The following IQGAP2 variants were observed in gnomAD, a reference collection of about 807,000 sequenced individuals.
IQGAP2 encodes the protein ras GTPase-activating-like protein IQGAP2.
A neutral mutation model predicts 201.3 loss-of-function variants in IQGAP2; 173 were observed. The observed-to-expected ratio is 0.86, with a 90% CI of 0.76 to 0.98. IQGAP2 has a LOEUF of 0.98. IQGAP2 is among the 50% of genes least tolerant of loss of function. The pLI, the probability that IQGAP2 is intolerant of heterozygous loss-of-function variation, is 0.00. For missense variants in IQGAP2, 1,687 were observed against 1,864.8 expected (o/e 0.90, Z 1.76); for synonymous variants, 675 against 673.9 (o/e 1.00, Z -0.03).
chr5:76,610,228 A>C (rs1245018848), intron 12 of IQGAP2, among the ~76,000 whole-genome samples: 1 of 137,016 alleles, frequency 7.3e-6, no homozygotes, highest in Non-Finnish European at 1.5e-5. Flanking sequence ...TGCCTCCTGG[A>C]TTCAAGTGAT....
At chr5:76,465,597 G>C (rs903109803) in intron 2 of IQGAP2, among the ~76,000 whole-genome samples, 2 of 152,080 alleles carry the variant, frequency 1.3e-5, no homozygotes, top group African/African-American at 2.4e-5. Flanking sequence ...TATTTCTAAG[G>C]GATGTTTTCT....
Position 76,545,160 on chromosome 5 carries a change from A to C in IQGAP2, c.147-17236A>C, listed in dbSNP as rs185230000. 3.9e-4 allele frequency among the ~76,000 whole-genome samples: 60 copies of C among 152,276 alleles called. 2 individuals carry two copies. In the East Asian group the frequency reaches 8.5e-3, roughly 22 times the overall value. The stretch of plus-strand genomic sequence containing the variant: ...TGTGTATACAATAGCGATATGATTA[A>C]ATATTTCTTATTAATGATGATTTCC... On this transcript the variant is annotated intron_variant, in intron 2 of 35. Transcript: ENST00000274364.
chr5:76,606,931 G>A (rs1747849123), intron 12 of IQGAP2: 1 of 152,178 alleles, frequency 6.6e-6, no homozygotes, highest in African/African-American at 2.4e-5. Flanking sequence ...CTGCTTTTCT[G>A]TAGTATGCAT....
At chr5:76,608,876 A>G (rs1748021752) in intron 12 of IQGAP2, 1 of 427,184 alleles carries the variant, frequency 2.3e-6, no homozygotes, top group African/African-American at 2.0e-5. Flanking sequence ...TGCTGCCTCA[A>G]ATACATGAAC....
chr5:76,686,551 C>G (rs1475933962), intron 30 of IQGAP2, among the ~76,000 whole-genome samples: 8 of 152,012 alleles, frequency 5.3e-5, no homozygotes, highest in Non-Finnish European at 1.0e-4. Context: ...GCTCTGTCGC[C>G]CAGGCTGGAG....
chr5:76,690,204 T>G (rs1225622857), intron 30 of IQGAP2, among the ~76,000 whole-genome samples: 1 of 152,118 alleles, frequency 6.6e-6, no homozygotes, highest in Non-Finnish European at 1.5e-5. Context: ...GGAAGGGGGA[T>G]GCATATTAAG....
intron 20 of IQGAP2, among the ~76,000 whole-genome samples, chr5:76,655,483 T>C (rs1752840760): frequency 6.6e-6 from 1 of 152,238 alleles, no homozygotes; most frequent in South Asian, 2.1e-4. Context: ...AGTCTCACAC[T>C]GTCGCCCAGG....
intron 1 of IQGAP2, among the ~76,000 whole-genome samples, chr5:76,409,241 C>CTTTTTTTTTTT (rs35574851): frequency 1.3e-5 from 1 of 79,368 alleles, no homozygotes. Context: ...AATACATGGG[C>CTTTTTTTTTTT]TTTTTTTTTT....
chr5:76,693,079 T>A (rs1746416866), intron 30 of IQGAP2, among the ~76,000 whole-genome samples: 2 of 152,288 alleles, frequency 1.3e-5, no homozygotes, highest in South Asian at 4.1e-4. Context: ...GAAAAGTATT[T>A]AGAGAGGAAA....
chr5:76,628,603 GC>G, intron 14 of IQGAP2: 1 of 399,126 alleles, frequency 2.5e-6, no homozygotes, highest in Admixed American at 3.2e-5. Context: ...TCACTAACCT[GC>G]CAACTGATGG....
chr5:76,595,762 A>G (rs1458503605), intron 9 of IQGAP2, among the ~76,000 whole-genome samples: 2 of 141,568 alleles, frequency 1.4e-5, no homozygotes, highest in East Asian at 2.0e-4. Context: ...CTGTCTCAAA[A>G]AAAGAAAGAG....
chr5:76,616,158 T>TA (rs1748943403), intron 13 of IQGAP2: 1 of 152,416 alleles, frequency 6.6e-6, no homozygotes, highest in African/African-American at 2.4e-5. Flanking sequence ...GAACTATATA[T>TA]AAATGCCATA....
intron 31 of IQGAP2, among the ~76,000 whole-genome samples, chr5:76,694,529 T>C (rs969838289): frequency 6.6e-6 from 1 of 152,222 alleles, no homozygotes; most frequent in Non-Finnish European, 1.5e-5. Context: ...GTGCCGCAGT[T>C]TCCTCAACTG....
chr5:76,676,749 C>G (rs1467906200), intron 27 of IQGAP2, among the ~76,000 whole-genome samples: 1 of 152,192 alleles, frequency 6.6e-6, no homozygotes, highest in African/African-American at 2.4e-5. Context: ...TTTTGTCAAA[C>G]TGGTAACAGA....
intron 1 of IQGAP2, among the ~76,000 whole-genome samples, chr5:76,426,436 A>C (rs1752001520): frequency 6.6e-6 from 1 of 152,240 alleles, no homozygotes; most frequent in Non-Finnish European, 1.5e-5. Context: ...CCTTTGGAGC[A>C]GAAGGGAAAC....
At chr5:76,664,526 T>C (rs932112754) in intron 21 of IQGAP2, among the ~76,000 whole-genome samples, 2 of 152,046 alleles carry the variant, frequency 1.3e-5, no homozygotes, top group African/African-American at 4.8e-5. Flanking sequence ...CTACTAAAAA[T>C]ACAAAAATTA....
intron 2 of IQGAP2, among the ~76,000 whole-genome samples, chr5:76,536,613 G>A (rs57694731): frequency 6.6e-6 from 1 of 151,776 alleles, no homozygotes; most frequent in Admixed American, 6.6e-5. Flanking sequence ...TACAAAATTA[G>A]CCAGGTGTGG....
At chr5:76,438,221 C>G (rs2150101030) in intron 1 of IQGAP2, among the ~76,000 whole-genome samples, 1 of 151,694 alleles carries the variant, frequency 6.6e-6, no homozygotes, top group East Asian at 1.9e-4. Flanking sequence ...GCCCTGGGCT[C>G]TTTTTTCTTT....
chr5:76,583,701 T>A (rs950092420), intron 5 of IQGAP2, among the ~76,000 whole-genome samples: 1 of 152,152 alleles, frequency 6.6e-6, no homozygotes, highest in Non-Finnish European at 1.5e-5. Flanking sequence ...TATATTAATA[T>A]TACATTGTAC....
Sources: gnomAD v4.1 joint callset for allele counts (sites outside exome capture counted in the v4.1 genomes callset) on GRCh38, gnomAD v4.1.1 for gene constraint, MANE v1.5 for transcripts, NCBI Gene and HGNC (gene_info 2026-07-23, HGNC 2026-07-21) for gene names.